The following GABRA3 variants were observed in gnomAD, a reference collection of about 807,000 sequenced individuals.
GABRA3 encodes gamma-aminobutyric acid type A receptor subunit alpha3.
In GABRA3, 10 loss-of-function variants were observed where a neutral mutation model predicts 30.1. That is an observed-to-expected ratio of 0.33 (90% CI 0.20 to 0.56). The LOEUF (loss-of-function observed/expected upper bound fraction) is 0.56. GABRA3 is among the 20% of genes least tolerant of loss of function. The probability of loss-of-function intolerance (pLI) is 0.89; values close to 1 mark genes in which losing one functional copy is unlikely to be tolerated. For synonymous variants in GABRA3, 151 were observed against 146.8 expected (o/e 1.03, Z -0.21); for missense variants, 233 against 392.0 (o/e 0.59, Z 3.42).
intron 1 of GABRA3, among the ~76,000 whole-genome samples, chrX:152,443,166 G>A (rs1299902718): frequency 9.0e-6 from 1 of 111,691 alleles, no homozygotes; most frequent in Non-Finnish European, 1.9e-5. Context: ...AAAAATGTAA[G>A]TTCTTAATGG....
intron 9 of GABRA3, among the ~76,000 whole-genome samples, chrX:152,184,743 TC>T (rs1324400128): frequency 1.8e-5 from 2 of 111,677 alleles, no homozygotes; most frequent in Non-Finnish European, 3.8e-5. Context: ...CTGACTGACA[TC>T]CCTTGTCCTT....
At chrX:152,210,638 T>A (rs1361815617) in intron 6 of GABRA3, among the ~76,000 whole-genome samples, 1 of 112,531 alleles carries the variant, frequency 8.9e-6, no homozygotes, top group Non-Finnish European at 1.9e-5. Flanking sequence ...TGTGGAATTT[T>A]ATATGACATC....
At chrX:152,324,683 T>A (rs944793235) in intron 3 of GABRA3, among the ~76,000 whole-genome samples, 1 of 111,855 alleles carries the variant, frequency 8.9e-6, no homozygotes, top group African/African-American at 3.2e-5. Context: ...GAAGACATGA[T>A]TCAATGATAC....
intron 1 of GABRA3, among the ~76,000 whole-genome samples, chrX:152,425,791 T>C (rs923005755): frequency 5.4e-5 from 6 of 110,267 alleles, no homozygotes; most frequent in African/African-American, 2.0e-4. Context: ...TCCTACTCTG[T>C]CCCCTTTCCC....
intron 1 of GABRA3, among the ~76,000 whole-genome samples, chrX:152,425,418 C>T (rs1166348631): frequency 1.8e-5 from 2 of 110,810 alleles, no homozygotes; most frequent in Non-Finnish European, 3.8e-5. Flanking sequence ...AATGTGTGAT[C>T]CAATGTAGGA....
chrX:152,279,049 A>C (rs1183732620), intron 4 of GABRA3, among the ~76,000 whole-genome samples: 3 of 111,392 alleles, frequency 2.7e-5, no homozygotes, highest in Admixed American at 9.5e-5. Flanking sequence ...ATTTTCTCCC[A>C]TTCTGTAGGT....
chrX:152,395,891 T>C (rs1929648226), intron 1 of GABRA3, among the ~76,000 whole-genome samples: 1 of 112,050 alleles, frequency 8.9e-6, no homozygotes, highest in Admixed American at 9.5e-5. Context: ...TAAGCTGTAG[T>C]GCTTCCTCGG....
intron 2 of GABRA3, among the ~76,000 whole-genome samples, chrX:152,349,054 A>G (rs1255940700): frequency 8.9e-6 from 1 of 112,297 alleles, no homozygotes; most frequent in Non-Finnish European, 1.9e-5. Context: ...TACCCACAGT[A>G]GAACTTCTTT....
chrX:152,255,222 C>T (rs1938618067), intron 5 of GABRA3, among the ~76,000 whole-genome samples: 1 of 111,141 alleles, frequency 9.0e-6, no homozygotes, highest in African/African-American at 3.3e-5. Flanking sequence ...TTATTATCAT[C>T]CTCAGTATCC....
At chrX:152,297,305 T>C (rs762465425) in intron 3 of GABRA3, among the ~76,000 whole-genome samples, 3 of 112,135 alleles carry the variant, frequency 2.7e-5, no homozygotes, top group Non-Finnish European at 5.6e-5. Flanking sequence ...CAGAGGATTC[T>C]ACTCCATTCA....
intron 3 of GABRA3, among the ~76,000 whole-genome samples, chrX:152,311,398 T>C (rs1407493248): frequency 8.9e-6 from 1 of 112,327 alleles, no homozygotes; most frequent in Non-Finnish European, 1.9e-5. Flanking sequence ...CAAGGTTGGT[T>C]CAACATGTGC....
At chrX:152,268,707 A>C (rs1235356957) in intron 4 of GABRA3, among the ~76,000 whole-genome samples, 1 of 111,347 alleles carries the variant, frequency 9.0e-6, no homozygotes, top group East Asian at 2.8e-4. Flanking sequence ...AGCTGAGACT[A>C]TAAGTGCATG....
intron 1 of GABRA3, among the ~76,000 whole-genome samples, chrX:152,411,115 G>C (rs1411839359): frequency 1.8e-5 from 2 of 111,549 alleles, no homozygotes; most frequent in Admixed American, 9.6e-5. Flanking sequence ...TTCAAGACCA[G>C]CCTGGGTAAC....
intron 8 of GABRA3, 152 bp downstream of exon 8, chrX:152,197,481 G>T: frequency 9.8e-6 from 4 of 407,838 alleles, no homozygotes; most frequent in African/African-American, 7.5e-5. Flanking sequence ...GAATTCAGTC[G>T]TCTAAAACCC....
At chrX:152,199,091 G>A (rs899019987) in intron 7 of GABRA3, among the ~76,000 whole-genome samples, 11 of 111,226 alleles carry the variant, frequency 9.9e-5, no homozygotes, top group Admixed American at 1.9e-4. Flanking sequence ...GGCTGGGTGC[G>A]GTGGCTCAAG....
At position 152,284,741 on chromosome X, in the gene GABRA3, TGAAA is replaced by T; in HGVS notation, c.263-10_263-7del. The stretch of plus-strand genomic sequence containing the variant: ...CTTCACTTCAGTCACTGCATCTGCG[TGAAA>T]GAAAGTAGAAAAGCAGAATGTCAGG... On this transcript the variant is annotated splice_region_variant and splice_polypyrimidine_tract_variant and intron_variant, in intron 3 of 9. Transcript: ENST00000370314. 2 of 1,170,186 alleles carry T rather than the reference TGAAA, an allele frequency of 1.7e-6. No homozygotes were observed. Among genetic ancestry groups the T allele is most frequent in the Non-Finnish European group, 2.3e-6 (2 of 864,092 alleles).
intron 2 of GABRA3, among the ~76,000 whole-genome samples, chrX:152,350,888 T>G (rs1940469670): frequency 8.9e-6 from 1 of 112,285 alleles, no homozygotes; most frequent in Non-Finnish European, 1.9e-5. Flanking sequence ...ATTGTAAGGA[T>G]GAAAACAACA....
chrX:152,274,011 T>C (rs1938996569), intron 4 of GABRA3, among the ~76,000 whole-genome samples: 1 of 111,518 alleles, frequency 9.0e-6, no homozygotes, highest in African/African-American at 3.3e-5. Context: ...GGTTTGAAAG[T>C]ACTGTGATGG....
At chrX:152,428,599 G>A (rs894649283) in intron 1 of GABRA3, among the ~76,000 whole-genome samples, 1 of 111,482 alleles carries the variant, frequency 9.0e-6, no homozygotes, top group African/African-American at 3.3e-5. Context: ...CATTGTTGTA[G>A]CATAGATACT....
Sources: gnomAD v4.1 joint callset for allele counts (sites outside exome capture counted in the v4.1 genomes callset) on GRCh38, gnomAD v4.1.1 for gene constraint, MANE v1.5 for transcripts, NCBI Gene and HGNC (gene_info 2026-07-23, HGNC 2026-07-21) for gene names.